The following CTNNA2 variants were observed in gnomAD, a reference collection of about 807,000 sequenced individuals.
CTNNA2 encodes the protein catenin alpha-2.
A neutral mutation model predicts 101.0 loss-of-function variants in CTNNA2; 42 were observed. The observed-to-expected ratio is 0.42, with a 90% CI of 0.32 to 0.54. CTNNA2 has a LOEUF of 0.54. CTNNA2 is among the 20% of genes least tolerant of loss of function. CTNNA2 has a pLI of 0.14. For missense variants in CTNNA2, 871 were observed against 1,223.1 expected (o/e 0.71, Z 4.29); for synonymous variants, 450 against 456.4 (o/e 0.99, Z 0.18).
In CTNNA2 at chr2:80,066,802, G is replaced by A. The variant is rs143662519; in HGVS notation, c.1056+157005G>A. On this transcript the variant is annotated intron_variant, in intron 7 of 18. Transcript: ENST00000402739. ...TATGCACTTCCATGTTCATTGCAGC[G>A]TTATTCACAATAGCCAAAATATTGA... 8.5e-4 allele frequency among the ~76,000 whole-genome samples: 129 copies of A among 152,198 alleles called. 1 individual carries two copies. The highest frequency in any genetic ancestry group is 3.4e-3 in the Middle Eastern group (1 of 294).
At chr2:79,334,562 C>A (rs371371303) in intron 3 of CTNNA2, among the ~76,000 whole-genome samples, 1 of 150,974 alleles carries the variant, frequency 6.6e-6, no homozygotes, top group African/African-American at 2.4e-5. Flanking sequence ...AGAGTTTGAG[C>A]TAATACAATA....
chr2:80,233,069 T>C (rs1709349138), intron 7 of CTNNA2, among the ~76,000 whole-genome samples: 1 of 152,182 alleles, frequency 6.6e-6, no homozygotes, highest in South Asian at 2.1e-4. Flanking sequence ...GAATTACTCT[T>C]TAGTTGCTTC....
chr2:80,598,374 A>T (rs1256422657), intron 15 of CTNNA2, among the ~76,000 whole-genome samples: 2 of 152,096 alleles, frequency 1.3e-5, no homozygotes, highest in Non-Finnish European at 2.9e-5. Context: ...AACCTAGATG[A>T]CAGGTTGATA....
intron 7 of CTNNA2, among the ~76,000 whole-genome samples, chr2:80,225,167 A>G (rs1316872607): frequency 6.6e-6 from 1 of 152,104 alleles, no homozygotes; most frequent in African/African-American, 2.4e-5. Context: ...GCTGTCCCCA[A>G]GTGACAACCA....
chr2:80,358,797 G>A (rs1314301860), intron 7 of CTNNA2, among the ~76,000 whole-genome samples: 2 of 151,444 alleles, frequency 1.3e-5, no homozygotes, highest in African/African-American at 4.9e-5. Flanking sequence ...CTAGTATATT[G>A]AATATGTTAA....
intron 7 of CTNNA2, among the ~76,000 whole-genome samples, chr2:80,097,462 G>A (rs2148832244): frequency 6.6e-6 from 1 of 152,102 alleles, no homozygotes; most frequent in South Asian, 2.1e-4. Flanking sequence ...TTCAACTTTG[G>A]TGAATCTGAC....
At chr2:80,038,630 G>T (rs1357496583) in intron 7 of CTNNA2, among the ~76,000 whole-genome samples, 3 of 152,138 alleles carry the variant, frequency 2.0e-5, no homozygotes, top group Non-Finnish European at 4.4e-5. Flanking sequence ...GGGATCACTT[G>T]AGGTCAGGAG....
At chr2:79,223,923 C>A (rs1674377027) in intron 2 of CTNNA2, among the ~76,000 whole-genome samples, 1 of 152,144 alleles carries the variant, frequency 6.6e-6, no homozygotes, top group South Asian at 2.1e-4. Context: ...AATTAATATT[C>A]CAAATGATTC....
chr2:80,636,887 C>T (rs1461987268), intron 18 of CTNNA2, among the ~76,000 whole-genome samples: 1 of 152,110 alleles, frequency 6.6e-6, no homozygotes, highest in African/African-American at 2.4e-5. Context: ...TTTTCTTGCA[C>T]TCAGTCTTGA....
At chr2:79,538,802 G>C (rs1221439581) in intron 1 of CTNNA2, among the ~76,000 whole-genome samples, 1 of 152,118 alleles carries the variant, frequency 6.6e-6, no homozygotes, top group East Asian at 1.9e-4. Context: ...TATTCCAGGG[G>C]CAAGCTGTCT....
intron 1 of CTNNA2, among the ~76,000 whole-genome samples, chr2:79,552,115 A>G (rs1029541297): frequency 2.0e-5 from 3 of 152,196 alleles, no homozygotes; most frequent in Admixed American, 6.5e-5. Context: ...CCTTCTGCCT[A>G]TGAGCCTGTA....
intron 2 of CTNNA2, among the ~76,000 whole-genome samples, chr2:79,280,672 A>G (rs1360377774): frequency 1.1e-5 from 1 of 89,970 alleles, no homozygotes; most frequent in African/African-American, 6.0e-5. Context: ...AAAGAGAGAG[A>G]GAGAGAGAGA....
At position 79,477,390 on chromosome 2, in the gene CTNNA2, C is replaced by T. The variant is rs533313193; in HGVS notation, c.-134-27664C>T. On this transcript the variant is annotated intron_variant, in intron 4 of 21. Transcript: ENST00000466387. ...TTCACCATGTTGGCCAGGCTAGTCT[C>T]AAACTCCTGGCCTCAGGTAATCAAC... Among the ~76,000 whole-genome samples the T allele has an allele frequency of 2.6e-5, 4 of 152,060 alleles. No homozygotes were observed. In the South Asian group the frequency reaches 8.3e-4, roughly 32 times the overall value.
At chr2:80,556,018 G>A (rs1047807013) in intron 12 of CTNNA2, 125 bp downstream of exon 12, 2 of 585,134 alleles carry the variant, frequency 3.4e-6, no homozygotes, top group Non-Finnish European at 5.5e-6. Flanking sequence ...TTGTGGAATG[G>A]GTGGAATACT....
rs1347451993 is a variant in CTNNA2 at position 80,594,907 on chromosome 2, T to C, written c.2189+5422T>C. ...GTCTGTATGCCAGTATGACACTATT[T>C]TGATTATAGTAAGTTTTAAAATCAA... On this transcript the variant is annotated intron_variant, in intron 15 of 18. Coordinates refer to ENST00000402739, the MANE Select transcript of CTNNA2 (RefSeq NM_001282597.3). 2.6e-5 allele frequency among the ~76,000 whole-genome samples: 4 copies of C among 152,064 alleles called. No individual in the cohort carries two copies. In the East Asian group the frequency reaches 7.7e-4, roughly 29 times the overall value.
chr2:79,307,534 G>A (rs1246197566), intron 2 of CTNNA2, among the ~76,000 whole-genome samples: 2 of 152,144 alleles, frequency 1.3e-5, no homozygotes, highest in Non-Finnish European at 2.9e-5. Context: ...CAATGTCCAT[G>A]TTGCTGTGAA....
At chr2:79,877,104 T>C (rs1683083740) in intron 6 of CTNNA2, among the ~76,000 whole-genome samples, 1 of 151,808 alleles carries the variant, frequency 6.6e-6, no homozygotes, top group African/African-American at 2.4e-5. Context: ...TTATATTAGC[T>C]AAGTATATTA....
intron 7 of CTNNA2, among the ~76,000 whole-genome samples, chr2:80,222,675 A>G (rs1326609967): frequency 6.6e-6 from 1 of 152,184 alleles, no homozygotes; most frequent in Non-Finnish European, 1.5e-5. Context: ...GTGGGTGTAC[A>G]AGGATGTACA....
chr2:79,691,955 A>G (rs1684332790), intron 2 of CTNNA2, among the ~76,000 whole-genome samples: 1 of 152,182 alleles, frequency 6.6e-6, no homozygotes, highest in African/African-American at 2.4e-5. Context: ...TTTAGGACAT[A>G]GGCATGGGCA....
Sources: allele counts gnomAD v4.1 joint callset (sites outside exome capture counted in the v4.1 genomes callset), GRCh38; gene constraint gnomAD v4.1.1; transcripts MANE v1.5; gene names NCBI Gene and HGNC (gene_info 2026-07-23, HGNC 2026-07-21).